GRID2: variants seen among roughly 807,000 people sequenced by gnomAD.
The protein encoded by GRID2 is glutamate receptor ionotropic, delta-2.
In GRID2, 33 loss-of-function variants were observed where a neutral mutation model predicts 114.8. The observed-to-expected ratio is 0.29, with a 90% CI of 0.22 to 0.38. The LOEUF is 0.38. Among genes scored for constraint, GRID2 ranks in the 10% least tolerant of loss-of-function variants. The probability of loss-of-function intolerance (pLI) is 1.00; values close to 1 mark genes in which losing one functional copy is unlikely to be tolerated. For synonymous variants in GRID2, 505 were observed against 449.9 expected (o/e 1.12, Z -1.55); for missense variants, 1,184 against 1,257.7 (o/e 0.94, Z 0.89).
At chr4:92,816,999 C>T (rs1186368948) in intron 2 of GRID2, among the ~76,000 whole-genome samples, 1 of 152,038 alleles carries the variant, frequency 6.6e-6, no homozygotes, top group Non-Finnish European at 1.5e-5. Flanking sequence ...TCTTTAAAAT[C>T]TAGTCCCATG....
intron 1 of GRID2, among the ~76,000 whole-genome samples, chr4:92,571,751 A>G (rs1210720508): frequency 2.0e-5 from 3 of 152,160 alleles, no homozygotes; most frequent in Non-Finnish European, 2.9e-5. Context: ...ACTCAACTAC[A>G]TGGAAACTGA....
chr4:93,562,015 C>G (rs753279984), intron 13 of GRID2, among the ~76,000 whole-genome samples: 1 of 152,052 alleles, frequency 6.6e-6, no homozygotes, highest in African/African-American at 2.4e-5. Context: ...TGTACAGACA[C>G]GAGTTTTCAA....
At chr4:93,301,614 C>T (rs1397416182) in intron 8 of GRID2, among the ~76,000 whole-genome samples, 1 of 152,092 alleles carries the variant, frequency 6.6e-6, no homozygotes, top group African/African-American at 2.4e-5. Context: ...AAAACAGTAA[C>T]TGTTTAATTT....
intron 2 of GRID2, among the ~76,000 whole-genome samples, chr4:92,603,342 AAC>A: frequency 6.6e-6 from 1 of 152,252 alleles, no homozygotes; most frequent in African/African-American, 2.4e-5. Flanking sequence ...ACTGACAGAA[AAC>A]ACACACACAG....
intron 8 of GRID2, among the ~76,000 whole-genome samples, chr4:93,329,924 T>A (rs776816690): frequency 1.7e-4 from 25 of 150,754 alleles, no homozygotes; most frequent in Non-Finnish European, 3.3e-4. Context: ...AAAAAAAAAA[T>A]TGTACTTTTT....
At chr4:93,467,382 A>G (rs533831111) in intron 11 of GRID2, among the ~76,000 whole-genome samples, 2 of 152,330 alleles carry the variant, frequency 1.3e-5, no homozygotes, top group South Asian at 4.1e-4. Flanking sequence ...ATTTTTGCCT[A>G]AAGTAATTTT....
chr4:92,580,159 T>C (rs1728110232), intron 1 of GRID2, among the ~76,000 whole-genome samples: 1 of 151,064 alleles, frequency 6.6e-6, no homozygotes, highest in African/African-American at 2.4e-5. Flanking sequence ...TCCTTTACAG[T>C]TGTCTAGTCT....
chr4:92,571,292 T>C (rs1252615647), intron 1 of GRID2, among the ~76,000 whole-genome samples: 2 of 152,010 alleles, frequency 1.3e-5, no homozygotes, highest in Non-Finnish European at 2.9e-5. Flanking sequence ...AAGAAGGCCA[T>C]TACATAATGG....
At chr4:93,545,282 A>C (rs1733099276) in intron 13 of GRID2, among the ~76,000 whole-genome samples, 1 of 152,198 alleles carries the variant, frequency 6.6e-6, no homozygotes, top group South Asian at 2.1e-4. Flanking sequence ...GGAGGAACTA[A>C]TTTAGATTAG....
At chr4:93,253,200 G>A (rs1749181692) in intron 8 of GRID2, among the ~76,000 whole-genome samples, 1 of 151,986 alleles carries the variant, frequency 6.6e-6, no homozygotes. Context: ...AGCTTGCAGT[G>A]AGCTGAGATA....
chr4:92,842,716 G>A (rs1358700206), intron 2 of GRID2, among the ~76,000 whole-genome samples: 1 of 151,840 alleles, frequency 6.6e-6, no homozygotes, highest in East Asian at 1.9e-4. Context: ...AGACTTAGAA[G>A]AAAAAGATGA....
chr4:92,793,489 C>G (rs1349282054), intron 2 of GRID2, among the ~76,000 whole-genome samples: 1 of 151,418 alleles, frequency 6.6e-6, no homozygotes, highest in Non-Finnish European at 1.5e-5. Context: ...CCACAAACCC[C>G]CATGACACAA....
chr4:92,973,444 C>G (rs1753652727), intron 2 of GRID2, among the ~76,000 whole-genome samples: 1 of 152,100 alleles, frequency 6.6e-6, no homozygotes, highest in Admixed American at 6.5e-5. Context: ...TTTTACATGC[C>G]TTAACTCATA....
chr4:92,572,007 A>T (rs1035205112), intron 1 of GRID2, among the ~76,000 whole-genome samples: 13 of 152,294 alleles, frequency 8.5e-5, no homozygotes, highest in African/African-American at 3.1e-4. Flanking sequence ...TTCAAAAGCT[A>T]GCAGAAAGCA....
At chr4:92,420,978 C>T (rs1731877882) in intron 1 of GRID2, among the ~76,000 whole-genome samples, 1 of 152,112 alleles carries the variant, frequency 6.6e-6, no homozygotes, top group African/African-American at 2.4e-5. Context: ...AGCCAAGCTG[C>T]CTGGCCCTCA....
At chr4:93,577,053 A>G (rs1043030804) in intron 13 of GRID2, among the ~76,000 whole-genome samples, 3 of 152,202 alleles carry the variant, frequency 2.0e-5, no homozygotes, top group African/African-American at 4.8e-5. Flanking sequence ...TCAAAAAATC[A>G]TCTGCCTTTC....
chr4:93,783,899 C>T (rs918274790), intron 1 of GRID2, among the ~76,000 whole-genome samples: 1 of 150,750 alleles, frequency 6.6e-6, no homozygotes, highest in Non-Finnish European at 1.5e-5. Context: ...GGTGAAACCC[C>T]GTCTCTACTA....
chr4:93,119,744 A>G (rs1238050068), intron 4 of GRID2, among the ~76,000 whole-genome samples: 1 of 152,216 alleles, frequency 6.6e-6, no homozygotes, highest in Admixed American at 6.5e-5. Context: ...CATATTTCAA[A>G]TATGTATGCA....
chr4:92,418,147 G>T (rs1288973621), intron 1 of GRID2, among the ~76,000 whole-genome samples: 1 of 152,112 alleles, frequency 6.6e-6, no homozygotes, highest in Non-Finnish European at 1.5e-5. Flanking sequence ...GGTAGATTTG[G>T]TGTTCATACA....
Sources: gnomAD v4.1 joint callset for allele counts (sites outside exome capture counted in the v4.1 genomes callset) on GRCh38, gnomAD v4.1.1 for gene constraint, MANE v1.5 for transcripts, NCBI Gene and HGNC (gene_info 2026-07-23, HGNC 2026-07-21) for gene names.